ZBTB4: variants seen among roughly 807,000 people sequenced by gnomAD.
ZBTB4 encodes the protein zinc finger and BTB domain containing 4, also known as zinc finger and BTB domain-containing protein 4.
Under a neutral mutation model 59.8 loss-of-function variants are expected in ZBTB4, and 14 were observed. The ratio of observed to expected loss-of-function variants is 0.23; its 90% confidence interval spans 0.15 to 0.37. ZBTB4 has a LOEUF of 0.37. Among genes scored for constraint, ZBTB4 ranks in the 10% least tolerant of loss-of-function variants. ZBTB4 has a pLI of 1.00. For missense variants in ZBTB4, 1,198 were observed against 1,380.8 expected (o/e 0.87, Z 2.10); for synonymous variants, 587 against 575.2 (o/e 1.02, Z -0.29).
intron 1 of ZBTB4, among the ~76,000 whole-genome samples, chr17:7,478,245 A>G (rs2070296341): frequency 6.6e-6 from 1 of 152,038 alleles, no homozygotes; most frequent in Non-Finnish European, 1.5e-5. Context: ...GCAAACACAC[A>G]ACCTTCCCCT....
chr17:7,470,460 G>A (rs763858809), intron 1 of ZBTB4, among the ~76,000 whole-genome samples: 2 of 151,972 alleles, frequency 1.3e-5, no homozygotes, highest in Non-Finnish European at 2.9e-5. Flanking sequence ...TTGGGAGGCC[G>A]AGGTGGATGG....
Position 7,463,033 on chromosome 17 carries a change from T to A in ZBTB4, c.1949A>T (p.Glu650Val). The A allele has an allele frequency of 6.2e-7, 1 of 1,611,038 alleles. No individual in the cohort carries two copies. The highest frequency in any genetic ancestry group is 1.1e-5 in the South Asian group (1 of 90,976). Residue 650 changes from glutamate to valine, a missense_variant, in exon 4 of 4, where the codon GAG (glutamate) becomes GTG (valine). Around this residue, in one of 9 missense-constraint regions of ZBTB4, gnomAD observed 550 missense variants for 541.8 expected, o/e 1.02. Coordinates refer to ENST00000380599, the MANE Select transcript of ZBTB4 (RefSeq NM_001128833.2). ...ACCAGCCTTTGATTCCTCCTCATCC[T>A]CCTCCTCCTCCTCTTCGTCCTCCTC... The part of the protein sequence containing the change: ...EEEEDEEEEE[E>V]DEEESKAGGE...
intron 1 of ZBTB4, among the ~76,000 whole-genome samples, chr17:7,475,900 A>C (rs995532945): frequency 9.2e-5 from 14 of 152,304 alleles, no homozygotes; most frequent in Admixed American, 9.2e-4. Flanking sequence ...CTGGCCCTGA[A>C]GAGGCCTATG....
At chr17:7,477,291 A>G (rs1345649739) in intron 1 of ZBTB4, among the ~76,000 whole-genome samples, 1 of 152,238 alleles carries the variant, frequency 6.6e-6, no homozygotes, top group African/African-American at 2.4e-5. Flanking sequence ...CAGGGCAGAC[A>G]ATCAGCCCCA....
chr17:7,481,844 T>A, upstream of ZBTB4: 1 of 1,232,502 alleles, frequency 8.1e-7, no homozygotes, highest in African/African-American at 1.5e-5. Context: ...TTTTAGGCCC[T>A]TTCTAGCTCC....
chr17:7,477,236 T>C (rs898773873), intron 1 of ZBTB4, among the ~76,000 whole-genome samples: 55 of 152,160 alleles, frequency 3.6e-4, no homozygotes, highest in Non-Finnish European at 5.9e-5. Context: ...CCCCAGACTA[T>C]AGCCACTTTC....
At chr17:7,482,465 G>T, upstream of ZBTB4, 1 of 1,614,012 alleles carries the variant, frequency 6.2e-7, no homozygotes, top group Non-Finnish European at 8.5e-7. Flanking sequence ...CGACTGGTGT[G>T]GACTGTTGGG....
chr17:7,465,517 T>C (rs147902106), intron 3 of ZBTB4, among the ~76,000 whole-genome samples, 194 bp downstream of exon 3: 2 of 151,832 alleles, frequency 1.3e-5, no homozygotes, highest in South Asian at 2.1e-4. Context: ...GGTCTCTATG[T>C]TGTCCAGGCT....
At chr17:7,480,741 A>C (rs931422557), upstream of ZBTB4, among the ~76,000 whole-genome samples, 1 of 152,124 alleles carries the variant, frequency 6.6e-6, no homozygotes, top group Admixed American at 6.5e-5. Flanking sequence ...AACAACAAAA[A>C]AACCTCTCTG....
Position 7,465,917 on chromosome 17 carries a change from G to T in ZBTB4, c.885C>A (p.Gly295=). 6.2e-7 allele frequency: 1 copy of T among 1,611,040 alleles called. No individual in the cohort carries two copies. The highest frequency in any genetic ancestry group is 8.5e-7 in the Non-Finnish European group (1 of 1,177,986). The part of the protein sequence containing the change: ...ALPPPVGFRG[G]PEHVVKVVGG... ...CCACCACCTTCACCACGTGCTCGGGGCCCCCTCGGAAGCCCACTGGTGGAG... is the reference window on the plus strand; with the variant it reads ...CCACCACCTTCACCACGTGCTCGGGTCCCCCTCGGAAGCCCACTGGTGGAG... The change falls in exon 3 of 4, where the codon GGC becomes GGA. Residue 295 remains glycine (G), a synonymous_variant. Coordinates refer to ENST00000380599, the MANE Select transcript of ZBTB4 (RefSeq NM_001128833.2).
rs2069990845 is a variant in ZBTB4 at position 7,459,689 on chromosome 17, A to G, written c.*2251T>C. The G allele has an allele frequency of 6.6e-6, 1 of 152,456 alleles. No individual in the cohort carries two copies. The highest frequency in any genetic ancestry group is 2.1e-4 in the South Asian group (1 of 4,828). 9.4% of individuals were successfully genotyped at this position (152,456 alleles called of 1,614,324 possible). ...TTCAAATTCCCCAGCTCAAATACAT[A>G]TATTTTAATCTCCACGTCGCCACAA... On this transcript the variant is annotated 3_prime_UTR_variant, in exon 4 of 4. Transcript: ENST00000380599.
intron 1 of ZBTB4, among the ~76,000 whole-genome samples, chr17:7,472,146 A>G (rs1235486939): frequency 6.7e-6 from 1 of 150,350 alleles, no homozygotes; most frequent in Non-Finnish European, 1.5e-5. Context: ...AAAACTTCCT[A>G]TCTCCCGACC....
At chr17:7,469,783 TA>T (rs112309024) in intron 1 of ZBTB4, among the ~76,000 whole-genome samples, 6 of 138,600 alleles carry the variant, frequency 4.3e-5, no homozygotes, top group African/African-American at 1.6e-4. Flanking sequence ...AAAATAAAAA[TA>T]AAAATAAATA....
Position 7,462,258 on chromosome 17 carries a change from C to A in ZBTB4, c.2724G>T (p.Glu908Asp). 6.2e-7 allele frequency: 1 copy of A among 1,613,776 alleles called. No homozygotes were observed. Among genetic ancestry groups the A allele is most frequent in the South Asian group, 1.1e-5 (1 of 91,080 alleles). ...PVGAGEGDRMEGIGAAKVTFY... is the reference protein window; with the variant it reads ...PVGAGEGDRMDGIGAAKVTFY... ...AAGTGACTTTGGCAGCCCCTATCCC[C>A]TCCATCCGGTCCCCCTCACCAGCCC... is the stretch of plus-strand genomic sequence containing the variant. Residue 908 changes from glutamate to aspartate, a missense_variant, in exon 4 of 4, where the codon GAG becomes GAT. By Grantham distance (45) the Glu-to-Asp change is conservative (BLOSUM62 2). Transcript: ENST00000380599. The surrounding 1 kb of genome is among the most constrained non-coding windows in gnomAD (Gnocchi z 7.5).
At position 7,461,742 on chromosome 17, in the gene ZBTB4, A is replaced by C. The variant is rs2150847789; in HGVS notation, c.*198T>G. On this transcript the variant is annotated 3_prime_UTR_variant, in exon 4 of 4. Coordinates refer to ENST00000380599, the MANE Select transcript of ZBTB4 (RefSeq NM_001128833.2). Reference sequence around the variant, plus strand: ...TCCCTGGAGGAAGACTGAGAGGGGAACCTCGAAAGATCCCTTCCCAGGAGA... The same window carrying C: ...TCCCTGGAGGAAGACTGAGAGGGGACCCTCGAAAGATCCCTTCCCAGGAGA... 2.2e-6 allele frequency: 1 copy of C among 459,824 alleles called. No individual in the cohort carries two copies. The highest frequency in any genetic ancestry group is 3.8e-6 in the Non-Finnish European group (1 of 261,178). The allele number at this position is 459,824 out of a possible 1,614,324, so 28.5% of individuals were successfully genotyped here. A position where few individuals can be genotyped will look rare whatever the true frequency, so the allele number is the denominator to read the frequency against.
At chr17:7,480,968 T>C (rs1388486803), upstream of ZBTB4, among the ~76,000 whole-genome samples, 1 of 151,880 alleles carries the variant, frequency 6.6e-6, no homozygotes, top group East Asian at 1.9e-4. Context: ...AAGACCAGCA[T>C]GGCCAACATG....
At chr17:7,469,191 G>A (rs1459651078) in intron 1 of ZBTB4, among the ~76,000 whole-genome samples, 1 of 152,028 alleles carries the variant, frequency 6.6e-6, no homozygotes, top group Non-Finnish European at 1.5e-5. Flanking sequence ...GTTTTGAGAT[G>A]GAGTCTCGCT....
At chr17:7,483,602 T>C (rs1346608919), upstream of ZBTB4, 1 of 160,240 alleles carries the variant, frequency 6.2e-6, no homozygotes, top group Admixed American at 6.0e-5. Context: ...ATTCCTGAAA[T>C]ATTCTACAAA....
intron 1 of ZBTB4, among the ~76,000 whole-genome samples, chr17:7,472,127 C>G (rs2070205819): frequency 6.6e-6 from 1 of 152,140 alleles, no homozygotes; most frequent in Non-Finnish European, 1.5e-5. Context: ...TGGCCACTCC[C>G]CACCTTCTAA....
Sources: allele counts gnomAD v4.1 joint callset (sites outside exome capture counted in the v4.1 genomes callset), GRCh38; gene constraint gnomAD v4.1.1; regional missense constraint gnomAD v4.1.1; non-coding constraint Gnocchi (gnomAD v3.1); transcripts MANE v1.5; gene names NCBI Gene and HGNC (gene_info 2026-07-23, HGNC 2026-07-21).